Variants in HIF1AN observed in about 807,000 individuals in gnomAD.
HIF1AN encodes the protein hypoxia-inducible factor 1-alpha inhibitor.
In HIF1AN, 21 loss-of-function variants were observed where a neutral mutation model predicts 47.7. The observed-to-expected ratio is 0.44, with a 90% confidence interval of 0.31 to 0.63. The LOEUF (loss-of-function observed/expected upper bound fraction) is 0.63. Among genes scored for constraint, HIF1AN ranks in the 30% least tolerant of loss-of-function variants. HIF1AN has a pLI of 0.07. For synonymous variants in HIF1AN, 152 were observed against 155.9 expected, an observed-to-expected ratio of 0.98 and a Z score of 0.18; for missense variants, 320 against 432.7, an observed-to-expected ratio of 0.74 and a Z score of 2.31.
intron 3 of HIF1AN, among the ~76,000 whole-genome samples, chr10:100,544,570 T>C (rs1300642775): frequency 1.3e-5 from 2 of 152,200 alleles, no homozygotes; most frequent in African/African-American, 4.8e-5. Context: ...TTGATACCAG[T>C]CATTTCTGTT....
In HIF1AN at chr10:100,544,912, AC is replaced by A. The variant is rs1450831517; in HGVS notation, c.578-37del. ...CCTGTATTCCAGCTTATGCAATAGA[AC>A]CACTGCTCTGCATAAGAAAATGCCT... On this transcript the variant is annotated intron_variant, in intron 3 of 7. Transcript: ENST00000299163. 2.5e-6 allele frequency: 4 copies of A among 1,603,096 alleles called. No individual in the cohort carries two copies. In the Admixed American group the frequency reaches 6.7e-5, roughly 27 times the overall value.
At chr10:100,544,873 C>G (rs1843078993) in intron 3 of HIF1AN, 78 bp from the exon 4 acceptor site, 3 of 1,420,992 alleles carry the variant, frequency 2.1e-6, no homozygotes, top group Admixed American at 1.9e-5. Context: ...CTGGGTTTCT[C>G]TTTAGCACTG....
Position 100,548,884 on chromosome 10 carries a change from A to G in HIF1AN, c.*747A>G, listed in dbSNP as rs1363031563. ...TGCATAAGTTCTAAATTAGAGACAC[A>G]TATAGTTTCTCTCTTTCAGCACCAG... On this transcript the variant is annotated 3_prime_UTR_variant, in exon 8 of 8. Transcript: ENST00000299163. The G allele has an allele frequency of 6.6e-6, 1 of 152,622 alleles. No individual in the cohort carries two copies. Among genetic ancestry groups the G allele is most frequent in the Non-Finnish European group, 1.5e-5 (1 of 68,054 alleles). 9.5% of individuals were successfully genotyped at this position (152,622 alleles called of 1,614,324 possible). A position where few individuals can be genotyped will look rare whatever the true frequency, so the allele number is the denominator to read the frequency against.
chr10:100,540,846 T>A, intron 3 of HIF1AN, 64 bp downstream of exon 3: 1 of 1,393,684 alleles, frequency 7.2e-7, no homozygotes. Context: ...AATCCTGTCT[T>A]CACCGCTTAT....
rs534887572 is a variant in HIF1AN at position 100,553,012 on chromosome 10, C to T, written c.*4875C>T. 42 of 152,144 alleles carry T rather than the reference C, an allele frequency of 2.8e-4. No individual in the cohort carries two copies. Among genetic ancestry groups the T allele is most frequent in the African/African-American group, 8.7e-4 (36 of 41,450 alleles). 9.4% of individuals were successfully genotyped at this position (152,144 alleles called of 1,614,324 possible). A position where few individuals can be genotyped will look rare whatever the true frequency, so the allele number is the denominator to read the frequency against. ...TTTCTGTTGGGCACAACCTCAGAAA[C>T]GGGAAGTCTTGAGGCCTGGGGGCGT... is the stretch of plus-strand genomic sequence containing the variant. On this transcript the variant is annotated 3_prime_UTR_variant, in exon 8 of 8. Coordinates refer to ENST00000299163, the MANE Select transcript of HIF1AN (RefSeq NM_017902.3).
intron 2 of HIF1AN, among the ~76,000 whole-genome samples, chr10:100,537,414 C>A (rs1480066260): frequency 6.6e-6 from 1 of 152,124 alleles, no homozygotes; most frequent in Non-Finnish European, 1.5e-5. Flanking sequence ...CTGTTTGTAG[C>A]CATTGTCCTT....
In HIF1AN at chr10:100,536,102, C is replaced by A. The variant is rs989706394; in HGVS notation, c.144C>A (p.Ser48Arg). 2 of 1,607,920 alleles carry A rather than the reference C, an allele frequency of 1.2e-6. No homozygotes were observed. ...GGCCCATTCCGCGTCTGAGTCAGAG[C>A]GACCCCCGGGCAGAGGAGCTTATTG... ...PTRPIPRLSQ[S>R]DPRAEELIEN... Residue 48 changes from serine to arginine, a missense_variant, in exon 1 of 8, where the codon AGC (serine) becomes AGA (arginine). Physicochemically the swap from Ser to Arg is moderately radical, Grantham distance 110. Coordinates refer to ENST00000299163, the MANE Select transcript of HIF1AN (RefSeq NM_017902.3).
rs749364170 is a variant in HIF1AN at position 100,548,183 on chromosome 10, C to T, written c.*46C>T. The T allele has an allele frequency of 2.0e-6, 3 of 1,518,968 alleles. No individual in the cohort carries two copies. The highest frequency in any genetic ancestry group is 2.3e-5 in the East Asian group (1 of 44,218). The allele number at this position is 1,518,968 out of a possible 1,614,324, so 94.1% of individuals were successfully genotyped here. A position where few individuals can be genotyped will look rare whatever the true frequency, so the allele number is the denominator to read the frequency against. ...CCTGCCAGGTGACTGCTATCCCGTCCACACCGCTTCATTGATGAGGACAGG... is the reference window on the plus strand; with the variant it reads ...CCTGCCAGGTGACTGCTATCCCGTCTACACCGCTTCATTGATGAGGACAGG... On this transcript the variant is annotated 3_prime_UTR_variant, in exon 8 of 8. Transcript: ENST00000299163.
intron 3 of HIF1AN, among the ~76,000 whole-genome samples, chr10:100,542,965 G>C (rs573863551): frequency 2.8e-4 from 41 of 145,882 alleles, no homozygotes; most frequent in Non-Finnish European, 5.5e-4. Flanking sequence ...TTTATTTCTC[G>C]CAGTAGCTCA....
At chr10:100,545,458 A>T (rs2133727198) in intron 4 of HIF1AN, 2 of 233,196 alleles carry the variant, frequency 8.6e-6, no homozygotes, top group Middle Eastern at 3.0e-3. Context: ...TTTCTTTTTG[A>T]TAAGAAGGGT....
rs1387992820 is a variant in HIF1AN at position 100,557,313 on chromosome 10, C to T, written c.*9176C>T. On this transcript the variant is annotated 3_prime_UTR_variant, in exon 8 of 8. Coordinates refer to ENST00000299163, the MANE Select transcript of HIF1AN (RefSeq NM_017902.3). Reference sequence around the variant, plus strand: ...CTTTGGGGGTGTTCATCTCGCTATGCTTCGGTCCCCTCATTTAAAAAAATT... The same window carrying T: ...CTTTGGGGGTGTTCATCTCGCTATGTTTCGGTCCCCTCATTTAAAAAAATT... 6.6e-6 allele frequency: 1 copy of T among 152,204 alleles called. No individual in the cohort carries two copies. Among genetic ancestry groups the T allele is most frequent in the African/African-American group, 2.4e-5 (1 of 41,446 alleles). 9.4% of individuals were successfully genotyped at this position (152,204 alleles called of 1,614,324 possible).
chr10:100,536,819 G>A (rs1714916589), intron 2 of HIF1AN, among the ~76,000 whole-genome samples, 158 bp downstream of exon 2: 3 of 152,134 alleles, frequency 2.0e-5, no homozygotes, highest in Non-Finnish European at 2.9e-5. Flanking sequence ...AGCCTTTAAG[G>A]GGTTTGAGTT....
rs1013338306 is a variant in HIF1AN at position 100,555,832 on chromosome 10, C to G, written c.*7695C>G. ...AAAGCTGTGCTCCTTAACCCATCAT[C>G]TAAGCTAAGCTTGGGCCAGGTTTTT... On this transcript the variant is annotated 3_prime_UTR_variant, in exon 8 of 8. Coordinates refer to ENST00000299163, the MANE Select transcript of HIF1AN (RefSeq NM_017902.3). The G allele has an allele frequency of 1.3e-5, 2 of 152,266 alleles. No homozygotes were observed. Among genetic ancestry groups the G allele is most frequent in the African/African-American group, 4.8e-5 (2 of 41,466 alleles). The allele number at this position is 152,266 out of a possible 1,614,324, so 9.4% of individuals were successfully genotyped here.
chr10:100,536,720 A>G (rs1296526641), intron 2 of HIF1AN, 59 bp downstream of exon 2: 27 of 1,588,922 alleles, frequency 1.7e-5, no homozygotes, highest in Non-Finnish European at 1.8e-5. Context: ...TCTTTCCTAT[A>G]CTTGTTTGAA....
rs1843238638 is a variant in HIF1AN at position 100,559,225 on chromosome 10, ATAAAT to A, written c.*11092_*11096del. On this transcript the variant is annotated 3_prime_UTR_variant, in exon 8 of 8. Transcript: ENST00000299163. The stretch of plus-strand genomic sequence containing the variant: ...CTTGATCAGGTTTTGTCTTGGTCAG[ATAAAT>A]TAAGTACTTAAGGAAATCAAATACA... 2 of 152,208 alleles carry A rather than the reference ATAAAT, an allele frequency of 1.3e-5. No homozygotes were observed. Among genetic ancestry groups the A allele is most frequent in the African/African-American group, 4.8e-5 (2 of 41,456 alleles). The allele number at this position is 152,208 out of a possible 1,614,324, so 9.4% of individuals were successfully genotyped here.
chr10:100,539,430 C>G (rs1842998374), intron 2 of HIF1AN, among the ~76,000 whole-genome samples: 1 of 152,242 alleles, frequency 6.6e-6, no homozygotes, highest in South Asian at 2.1e-4. Flanking sequence ...ATCTTCCTTA[C>G]TTTAGCTGTA....
rs1414977005 is a variant in HIF1AN at position 100,548,721 on chromosome 10, T to C, written c.*584T>C. On this transcript the variant is annotated 3_prime_UTR_variant, in exon 8 of 8. Coordinates refer to ENST00000299163, the MANE Select transcript of HIF1AN (RefSeq NM_017902.3). ...ATGGGAATGGCTACCGGGACTCTAA[T>C]GGGGTGAAAGAGAGGGGAGGCTTGC... 2 of 152,754 alleles carry C rather than the reference T, an allele frequency of 1.3e-5. No individual in the cohort carries two copies. Among genetic ancestry groups the C allele is most frequent in the African/African-American group, 4.8e-5 (2 of 41,356 alleles). The allele number at this position is 152,754 out of a possible 1,614,324, so 9.5% of individuals were successfully genotyped here.
At chr10:100,543,387 G>T (rs1181945611) in intron 3 of HIF1AN, among the ~76,000 whole-genome samples, 2 of 151,978 alleles carry the variant, frequency 1.3e-5, no homozygotes, top group Non-Finnish European at 2.9e-5. Flanking sequence ...AGAGATGGGG[G>T]TCTCCCTATG....
chr10:100,538,805 TGA>T (rs1432168358), intron 2 of HIF1AN, among the ~76,000 whole-genome samples: 1 of 129,316 alleles, frequency 7.7e-6, no homozygotes. Context: ...TGGGTGACAG[TGA>T]GACTCCGTCT....
Sources: allele counts gnomAD v4.1 joint callset (sites outside exome capture counted in the v4.1 genomes callset), GRCh38; gene constraint gnomAD v4.1.1; transcripts MANE v1.5; gene names NCBI Gene and HGNC (gene_info 2026-07-23, HGNC 2026-07-21).